TYW1B: variants seen among roughly 807,000 people sequenced by gnomAD.
TYW1B encodes S-adenosyl-L-methionine-dependent tRNA 4-demethylwyosine synthase TYW1B.
TYW1B carries 73 observed loss-of-function variants against 86.9 expected under a neutral mutation model. That is an observed-to-expected ratio of 0.84 (90% CI 0.70 to 1.02). The LOEUF (loss-of-function observed/expected upper bound fraction) is 1.02. Ranked by LOEUF, TYW1B falls within the 50% of genes least tolerant of loss-of-function variation. The pLI, the probability that TYW1B is intolerant of heterozygous loss-of-function variation, is 0.00. For missense variants in TYW1B, 637 were observed against 827.4 expected (o/e 0.77, Z 2.82); for synonymous variants, 248 against 292.8 (o/e 0.85, Z 1.56).
intron 13 of TYW1B, among the ~76,000 whole-genome samples, chr7:72,599,496 C>G (rs1554433274): frequency 6.6e-6 from 1 of 152,124 alleles, no homozygotes; most frequent in Non-Finnish European, 1.5e-5. Context: ...GATGTCCCCT[C>G]TCACCATTCC....
At chr7:72,764,584 C>G (rs568084915) in intron 7 of TYW1B, among the ~76,000 whole-genome samples, 36 of 152,092 alleles carry the variant, frequency 2.4e-4, no homozygotes, top group Non-Finnish European at 5.0e-4. Flanking sequence ...CCCAGCCCAA[C>G]AAGTACTCTT....
chr7:72,682,813 G>A (rs1174116071), intron 11 of TYW1B, among the ~76,000 whole-genome samples: 1 of 152,116 alleles, frequency 6.6e-6, no homozygotes, highest in Non-Finnish European at 1.5e-5. Context: ...CGCCAACACA[G>A]GGAAACTGAA....
At chr7:72,600,882 C>G (rs1308579286) in intron 13 of TYW1B, among the ~76,000 whole-genome samples, 1 of 151,852 alleles carries the variant, frequency 6.6e-6, no homozygotes, top group Non-Finnish European at 1.5e-5. Flanking sequence ...AAGGGCCGGG[C>G]GTGGTGGCTC....
At chr7:72,609,072 G>A (rs562466957) in intron 13 of TYW1B, among the ~76,000 whole-genome samples, 3 of 152,270 alleles carry the variant, frequency 2.0e-5, no homozygotes, top group East Asian at 1.9e-4. Flanking sequence ...ATCACTGGGG[G>A]AAACTACATG....
At chr7:72,775,736 A>C (rs1369603181) in intron 7 of TYW1B, among the ~76,000 whole-genome samples, 11 of 152,008 alleles carry the variant, frequency 7.2e-5, no homozygotes, top group East Asian at 1.9e-4. Context: ...ATTAGAAAAA[A>C]AAAAAACAAA....
chr7:72,594,153 T>C (rs1428673196), intron 13 of TYW1B, among the ~76,000 whole-genome samples: 4 of 149,566 alleles, frequency 2.7e-5, no homozygotes, highest in African/African-American at 4.9e-5. Context: ...AAGGAAATAA[T>C]AAAGATTAGA....
intron 13 of TYW1B, among the ~76,000 whole-genome samples, chr7:72,606,671 C>T (rs1418695779): frequency 2.6e-5 from 4 of 151,684 alleles, no homozygotes; most frequent in African/African-American, 9.7e-5. Flanking sequence ...CACAAGATGG[C>T]TCTCCCTTCT....
chr7:72,580,151 A>C (rs1811118707), intron 13 of TYW1B, among the ~76,000 whole-genome samples: 1 of 152,200 alleles, frequency 6.6e-6, no homozygotes, highest in Non-Finnish European at 1.5e-5. Flanking sequence ...TGAAATGAAC[A>C]GAGCCACTAG....
chr7:72,792,837 G>A (rs1424008873), intron 6 of TYW1B, among the ~76,000 whole-genome samples: 4 of 152,140 alleles, frequency 2.6e-5, no homozygotes, highest in Admixed American at 6.6e-5. Context: ...AAGAAAAGCA[G>A]TCTGTAGACC....
chr7:72,738,842 G>A (rs1787247824), intron 8 of TYW1B, among the ~76,000 whole-genome samples: 1 of 152,034 alleles, frequency 6.6e-6, no homozygotes, highest in Admixed American at 6.6e-5. Context: ...AGGCTAAGAG[G>A]GGAGGATTGC....
At chr7:72,685,382 A>C (rs185204348) in intron 11 of TYW1B, among the ~76,000 whole-genome samples, 141 of 152,330 alleles carry the variant, frequency 9.3e-4, no homozygotes, top group South Asian at 1.9e-3. Flanking sequence ...AACAAATAGA[A>C]AACATTAACA....
Position 72,652,985 on chromosome 7 carries a change from A to T in TYW1B, c.1507-23988T>A, listed in dbSNP as rs188306981. Reference sequence around the variant, plus strand: ...GTAGATGGGTTAAGAAAATCATGACAAACCCAACTAATGAATATGCAGCAA... The same window carrying T: ...GTAGATGGGTTAAGAAAATCATGACTAACCCAACTAATGAATATGCAGCAA... On this transcript the variant is annotated intron_variant, in intron 11 of 13. Coordinates refer to ENST00000620995, the MANE Select transcript of TYW1B (RefSeq NM_001145440.3). Among the ~76,000 whole-genome samples the T allele has an allele frequency of 4.1e-3, 629 of 152,328 alleles. 2 individuals are homozygous for T. The highest frequency in any genetic ancestry group is 0.011 in the South Asian group (51 of 4,826).
At chr7:72,657,147 G>T (rs1554443775) in intron 11 of TYW1B, among the ~76,000 whole-genome samples, 8 of 152,058 alleles carry the variant, frequency 5.3e-5, no homozygotes, top group Non-Finnish European at 1.2e-4. Context: ...CAAAGATACA[G>T]ATATCCTAAA....
chr7:72,798,320 G>C (rs34751664), intron 6 of TYW1B, among the ~76,000 whole-genome samples: 12,401 of 151,952 alleles, frequency 0.082, 896 homozygotes, highest in East Asian at 0.32. Flanking sequence ...GAACCCAGGA[G>C]GCAGAGCTTG....
chr7:72,761,072 T>C (rs1787678516), intron 7 of TYW1B, among the ~76,000 whole-genome samples: 1 of 152,152 alleles, frequency 6.6e-6, no homozygotes, highest in African/African-American at 2.4e-5. Context: ...ATAAATAAAT[T>C]ACACCAATGT....
At chr7:72,818,051 GCCCTATCAGTTC>G (rs1788757562) in intron 2 of TYW1B, among the ~76,000 whole-genome samples, 1 of 148,786 alleles carries the variant, frequency 6.7e-6, no homozygotes, top group South Asian at 2.1e-4. Context: ...TTGAGTTCTT[GCCCTATCAGTTC>G]ATAGCTGGCT....
intron 13 of TYW1B, among the ~76,000 whole-genome samples, chr7:72,577,040 T>C (rs182312611): frequency 2.1e-3 from 314 of 152,008 alleles, no homozygotes; most frequent in African/African-American, 7.0e-3. Context: ...GGCAGGAGAA[T>C]CACTTGAACC....
chr7:72,822,096 A>C (rs1788837448), intron 2 of TYW1B, among the ~76,000 whole-genome samples: 1 of 149,756 alleles, frequency 6.7e-6, no homozygotes, highest in Admixed American at 6.7e-5. Flanking sequence ...AAATACAAAA[A>C]TCCCAGCACT....
intron 10 of TYW1B, among the ~76,000 whole-genome samples, chr7:72,695,788 G>T (rs1430170419): frequency 6.6e-6 from 1 of 151,802 alleles, no homozygotes; most frequent in Non-Finnish European, 1.5e-5. Flanking sequence ...AGAGACAGGG[G>T]TCCCACTACG....
Sources: gnomAD v4.1 joint callset for allele counts (sites outside exome capture counted in the v4.1 genomes callset) on GRCh38, gnomAD v4.1.1 for gene constraint, MANE v1.5 for transcripts, NCBI Gene and HGNC (gene_info 2026-07-23, HGNC 2026-07-21) for gene names.